CCDC93: variants seen among roughly 807,000 people sequenced by gnomAD.
CCDC93 encodes the protein CCC complex scaffolding subunit CCDC93, also known as coiled-coil domain-containing protein 93.
CCDC93 carries 61 observed loss-of-function variants against 108.2 expected under a neutral mutation model. The ratio of observed to expected loss-of-function variants is 0.56; its 90% CI spans 0.46 to 0.70. CCDC93 has a LOEUF of 0.70. Among genes scored for constraint, CCDC93 ranks in the 30% least tolerant of loss-of-function variants. The pLI, the probability that CCDC93 is intolerant of heterozygous loss-of-function variation, is 0.00. For synonymous variants in CCDC93, 276 were observed against 260.4 expected, an observed-to-expected ratio of 1.06 and a Z score of -0.58; for missense variants, 685 against 764.2, an observed-to-expected ratio of 0.90 and a Z score of 1.22.
At chr2:117,952,527 A>C in intron 12 of CCDC93, 92 bp from the exon 13 acceptor site, 2 of 992,074 alleles carry the variant, frequency 2.0e-6, no homozygotes, top group Non-Finnish European at 3.2e-6. Context: ...AAAGCTCAGA[A>C]AGATTTAAAC....
chr2:117,995,073 A>G (rs1214270172), intron 6 of CCDC93, among the ~76,000 whole-genome samples: 2 of 152,190 alleles, frequency 1.3e-5, no homozygotes, highest in Non-Finnish European at 2.9e-5. Context: ...TACTCTGTCT[A>G]TGCAAAGCCA....
In CCDC93 at chr2:118,008,611, A is replaced by G. The variant is rs1470154744; in HGVS notation, c.90T>C (p.Ile30=). Residue 30 remains isoleucine, a synonymous_variant, in exon 2 of 24, where the codon ATT becomes ATC. Transcript: ENST00000376300. ...DEEQNVKLTE[I]LELLVAAGYF... ...ACCCAGCTGCAACCAAGAGCTCCAG[A>G]ATTTCAGTCAACTTGACATTTTGTT... 4 of 1,613,764 alleles carry G rather than the reference A, an allele frequency of 2.5e-6. No individual in the cohort carries two copies. Among genetic ancestry groups the G allele is most frequent in the Non-Finnish European group, 3.4e-6 (4 of 1,179,824 alleles).
chr2:117,953,461 T>C (rs1679123425), intron 12 of CCDC93, among the ~76,000 whole-genome samples: 2 of 152,344 alleles, frequency 1.3e-5, no homozygotes, highest in South Asian at 4.1e-4. Flanking sequence ...ATTAGTCTGT[T>C]TGTGTAACTG....
In CCDC93 at chr2:117,996,474, C is replaced by G. The variant is rs1412908074; in HGVS notation, c.364-112G>C. 4.3e-6 allele frequency: 3 copies of G among 702,008 alleles called. No homozygotes were observed. The African/African-American group carries it at 5.3e-5, about 12-fold the overall frequency. 43.5% of individuals were successfully genotyped at this position (702,008 alleles called of 1,614,324 possible). On this transcript the variant is annotated intron_variant, in intron 4 of 23. Coordinates refer to ENST00000376300, the MANE Select transcript of CCDC93 (RefSeq NM_019044.5). ...ACTCAAATCAGCATAGTTGAACTGA[C>G]TAGGTGATAAGAAGCTATCAACACA...
chr2:117,921,253 T>C (rs531875349), intron 23 of CCDC93, among the ~76,000 whole-genome samples: 26 of 151,604 alleles, frequency 1.7e-4, no homozygotes, highest in Non-Finnish European at 2.9e-4. Flanking sequence ...GTGCTACGGG[T>C]TATCACTGAG....
intron 11 of CCDC93, 61 bp from the exon 12 acceptor site, chr2:117,958,542 T>A: frequency 1.0e-6 from 1 of 990,544 alleles, no homozygotes; most frequent in South Asian, 1.3e-5. Flanking sequence ...GTTCATGTAA[T>A]CAAGCCCTGT....
At chr2:117,962,666 A>G (rs1342953179) in intron 11 of CCDC93, among the ~76,000 whole-genome samples, 1 of 152,182 alleles carries the variant, frequency 6.6e-6, no homozygotes, top group East Asian at 1.9e-4. Flanking sequence ...AAGACAAGTA[A>G]ACAGACTATG....
At chr2:117,992,862 C>A (rs1558799823) in intron 6 of CCDC93, among the ~76,000 whole-genome samples, 2 of 151,234 alleles carry the variant, frequency 1.3e-5, no homozygotes, top group African/African-American at 4.9e-5. Flanking sequence ...AACCACATTA[C>A]CAAGCAGAAG....
chr2:117,979,336 C>T (rs964204818), intron 7 of CCDC93, among the ~76,000 whole-genome samples: 1 of 152,072 alleles, frequency 6.6e-6, no homozygotes, highest in African/African-American at 2.4e-5. Flanking sequence ...TAAGCTGTTC[C>T]CCTCTCGCCC....
At chr2:117,946,723 C>T in intron 16 of CCDC93, 88 bp downstream of exon 16, 1 of 865,476 alleles carries the variant, frequency 1.2e-6, no homozygotes, top group South Asian at 1.4e-5. Context: ...GATAAGTTAG[C>T]AACAGCGGTC....
chr2:117,966,095 T>A (rs1679560489), intron 11 of CCDC93, among the ~76,000 whole-genome samples: 1 of 152,228 alleles, frequency 6.6e-6, no homozygotes, highest in Admixed American at 6.5e-5. Flanking sequence ...ATAAATTTCC[T>A]GAGGGCCTAG....
intron 23 of CCDC93, among the ~76,000 whole-genome samples, chr2:117,921,491 T>C (rs1436896057): frequency 2.0e-5 from 3 of 152,048 alleles, no homozygotes; most frequent in African/African-American, 4.8e-5. Context: ...TGCTTTTAAA[T>C]TGGGAGATAA....
At chr2:117,995,700 C>T (rs1161432886) in intron 5 of CCDC93, 198 bp from the exon 6 acceptor site, 2 of 532,382 alleles carry the variant, frequency 3.8e-6, no homozygotes, top group East Asian at 3.1e-5. Flanking sequence ...ACATAGATCC[C>T]TACACAGCCA....
rs138823794 is a variant in CCDC93 at position 117,983,888 on chromosome 2, T to G, written c.620+2081A>C. On this transcript the variant is annotated intron_variant, in intron 7 of 23. Coordinates refer to ENST00000376300, the MANE Select transcript of CCDC93 (RefSeq NM_019044.5). ...TCTTATTTAGTTTCAGACCAAAGAA[T>G]AGACATGCCCAGTCTTCCTAAAACT... 4.6e-3 allele frequency among the ~76,000 whole-genome samples: 696 copies of G among 152,244 alleles called. 8 individuals carry two copies. The highest frequency in any genetic ancestry group is 0.016 in the African/African-American group (658 of 41,540).
chr2:117,963,744 G>C (rs1446089730), intron 11 of CCDC93, among the ~76,000 whole-genome samples: 1 of 152,198 alleles, frequency 6.6e-6, no homozygotes, highest in African/African-American at 2.4e-5. Flanking sequence ...TGTCAGGTCA[G>C]ATGGCATCCT....
In CCDC93 at chr2:117,920,201, A is replaced by G; in HGVS notation, c.*142T>C. On this transcript the variant is annotated 3_prime_UTR_variant, in exon 24 of 24. Transcript: ENST00000376300. Reference sequence around the variant, plus strand: ...CCAACAGAGATGAATGGAAGCAAAGAGGAGAAAGAAAACATCCAGGTTGTT... The same window carrying G: ...CCAACAGAGATGAATGGAAGCAAAGGGGAGAAAGAAAACATCCAGGTTGTT... 1 of 557,208 alleles carries G rather than the reference A, an allele frequency of 1.8e-6. No homozygotes were observed. Among genetic ancestry groups the G allele is most frequent in the Admixed American group, 3.1e-5 (1 of 32,660 alleles). 34.5% of individuals were successfully genotyped at this position (557,208 alleles called of 1,614,324 possible).
Position 117,942,209 on chromosome 2 carries a change from G to A in CCDC93, c.1414-912C>T, listed in dbSNP as rs572237219. Among the ~76,000 whole-genome samples, 5 of 152,320 alleles carry A rather than the reference G, an allele frequency of 3.3e-5. No homozygotes were observed. In the South Asian group the frequency reaches 1.0e-3, roughly 32 times the overall value. On this transcript the variant is annotated intron_variant, in intron 18 of 23. Coordinates refer to ENST00000376300, the MANE Select transcript of CCDC93 (RefSeq NM_019044.5). Reference sequence around the variant, plus strand: ...TCTGACTCCTGGTTTTCTTTCAGGAGTCTTAAGATACAACTCTTCAGTCTT... The same window carrying A: ...TCTGACTCCTGGTTTTCTTTCAGGAATCTTAAGATACAACTCTTCAGTCTT...
chr2:117,956,891 ATTTT>A (rs141216891), intron 12 of CCDC93, among the ~76,000 whole-genome samples: 5 of 142,874 alleles, frequency 3.5e-5, no homozygotes, highest in Admixed American at 6.9e-5. Context: ...ACTGGTACCC[ATTTT>A]TTTTTTTTTT....
intron 6 of CCDC93, among the ~76,000 whole-genome samples, chr2:117,988,438 G>C (rs961122334): frequency 6.6e-6 from 1 of 152,196 alleles, no homozygotes; most frequent in African/African-American, 2.4e-5. Context: ...AGCAGGCAGT[G>C]AAACAGCCAC....
Sources: allele counts gnomAD v4.1 joint callset (sites outside exome capture counted in the v4.1 genomes callset), GRCh38; gene constraint gnomAD v4.1.1; transcripts MANE v1.5; gene names NCBI Gene and HGNC (gene_info 2026-07-23, HGNC 2026-07-21).